The following C1QTNF2 variants were observed in gnomAD, a reference collection of about 807,000 sequenced individuals.
The protein encoded by C1QTNF2 is C1q and TNF related 2, also known as complement C1q tumor necrosis factor-related protein 2.
A neutral mutation model predicts 17.4 loss-of-function variants in C1QTNF2; 15 were observed. That is an observed-to-expected ratio of 0.86 (90% CI 0.58 to 1.33). The LOEUF (loss-of-function observed/expected upper bound fraction) is 1.33. C1QTNF2 is among the 40% of genes most tolerant of loss of function. The pLI, the probability that C1QTNF2 is intolerant of heterozygous loss-of-function variation, is 0.00. For synonymous variants in C1QTNF2, 154 were observed against 163.3 expected, an observed-to-expected ratio of 0.94 and a Z score of 0.44; for missense variants, 381 against 392.3, an observed-to-expected ratio of 0.97 and a Z score of 0.24.
chr5:160,349,712 G>T lies in C1QTNF2; in HGVS notation c.314C>A (p.Ala105Asp). 6.3e-7 allele frequency: 1 copy of T among 1,579,628 alleles called. No individual in the cohort carries two copies. ...GACCCCCTTGGGGCCACGGGGGCCAGCCCGCCCAATGGCCCCGGCTTTGCC... is the reference window on the plus strand; with the variant it reads ...GACCCCCTTGGGGCCACGGGGGCCATCCCGCCCAATGGCCCCGGCTTTGCC... ...PKGKAGAIGRAGPRGPKGVNG... is the reference protein window; with the variant it reads ...PKGKAGAIGRDGPRGPKGVNG... The change falls in exon 3 of 3, where the codon GCT becomes GAT. Residue 105 changes from alanine to aspartate, a missense_variant. Physicochemically the swap from Ala to Asp is moderately radical, Grantham distance 126. Coordinates refer to ENST00000652664, the MANE Select transcript of C1QTNF2 (RefSeq NM_031908.6). This position sits in a 1 kb window ranked among gnomAD's most constrained non-coding sequence, Gnocchi z 4.3.
In C1QTNF2 at chr5:160,354,997, C is replaced by A; in HGVS notation, c.15G>T (p.Val5=). 1 of 1,577,006 alleles carries A rather than the reference C, an allele frequency of 6.3e-7. No homozygotes were observed. Among genetic ancestry groups the A allele is most frequent in the Non-Finnish European group, 8.6e-7 (1 of 1,163,120 alleles). The change falls in exon 2 of 3, where the codon GTG becomes GTT. Residue 5 remains valine (V), a synonymous_variant. Coordinates refer to ENST00000652664, the MANE Select transcript of C1QTNF2 (RefSeq NM_031908.6). ...CACAGGGGAGGGCACAGGCCAGGAG[C>A]ACCCAGGGGATCATGGTGGTTACCT... MIPW[V]LLACALPCAA... is the part of the protein sequence containing the mutation.
At chr5:160,367,125 C>T (rs1204102424) in intron 1 of C1QTNF2, among the ~76,000 whole-genome samples, 1 of 152,100 alleles carries the variant, frequency 6.6e-6, no homozygotes. Context: ...AAATTATAGC[C>T]TAGACAAGCA....
intron 2 of C1QTNF2, among the ~76,000 whole-genome samples, chr5:160,353,396 C>T (rs552574700): frequency 6.6e-6 from 1 of 152,132 alleles, no homozygotes; most frequent in Non-Finnish European, 1.5e-5. Context: ...TCGCCGTCTG[C>T]CTGGCATCCC....
chr5:160,367,807 T>C (rs1031562202), intron 1 of C1QTNF2, among the ~76,000 whole-genome samples: 3 of 152,170 alleles, frequency 2.0e-5, no homozygotes, highest in Non-Finnish European at 4.4e-5. Flanking sequence ...CCTATATACA[T>C]TGTGCACAGT....
At chr5:160,356,414 GGGCCTT>G (rs1764052203) in intron 1 of C1QTNF2, among the ~76,000 whole-genome samples, 1 of 152,212 alleles carries the variant, frequency 6.6e-6, no homozygotes, top group Non-Finnish European at 1.5e-5. Flanking sequence ...ACAGGTTGTT[GGGCCTT>G]ATCCCCAAAG....
At chr5:160,366,688 A>C (rs968458800) in intron 1 of C1QTNF2, among the ~76,000 whole-genome samples, 2 of 152,226 alleles carry the variant, frequency 1.3e-5, no homozygotes, top group Non-Finnish European at 2.9e-5. Context: ...GTAAAATTCA[A>C]ATTTAGTCAT....
At chr5:160,370,002 A>T (rs1385116953) in intron 1 of C1QTNF2, among the ~76,000 whole-genome samples, 1 of 152,216 alleles carries the variant, frequency 6.6e-6, no homozygotes, top group East Asian at 1.9e-4. Flanking sequence ...GTGAAGGTTA[A>T]GTGAAATAAT....
intron 1 of C1QTNF2, among the ~76,000 whole-genome samples, chr5:160,367,915 A>G (rs757814179): frequency 9.2e-5 from 14 of 152,202 alleles, no homozygotes; most frequent in Non-Finnish European, 1.9e-4. Flanking sequence ...TTTGATGTTC[A>G]TATCTCCTTT....
intron 2 of C1QTNF2, among the ~76,000 whole-genome samples, chr5:160,350,836 C>T (rs534031346): frequency 2.0e-5 from 3 of 152,024 alleles, no homozygotes; most frequent in Admixed American, 1.3e-4. Context: ...CTGCAAGCTC[C>T]GCCTCCCAGG....
In C1QTNF2 at chr5:160,351,546, A is replaced by G. The variant is rs1561821558; in HGVS notation, c.245-1765T>C. Among the ~76,000 whole-genome samples, 3 of 152,232 alleles carry G rather than the reference A, an allele frequency of 2.0e-5. No homozygotes were observed. In the South Asian group the frequency reaches 6.2e-4, roughly 31 times the overall value. On this transcript the variant is annotated intron_variant, in intron 2 of 2. Transcript: ENST00000652664. ...TCCAAATTGCATTTTGTTACTGAACACTTGATTTTCAGGAACAGAGTGCTT... is the reference window on the plus strand; with the variant it reads ...TCCAAATTGCATTTTGTTACTGAACGCTTGATTTTCAGGAACAGAGTGCTT...
At chr5:160,357,396 T>C (rs1317444903) in intron 1 of C1QTNF2, among the ~76,000 whole-genome samples, 1 of 152,076 alleles carries the variant, frequency 6.6e-6, no homozygotes, top group Non-Finnish European at 1.5e-5. Context: ...TCAACCTAGG[T>C]TGGATAAATA....
intron 2 of C1QTNF2, among the ~76,000 whole-genome samples, chr5:160,353,484 C>A (rs1393135357): frequency 1.3e-5 from 2 of 152,072 alleles, no homozygotes; most frequent in African/African-American, 4.8e-5. Flanking sequence ...ACTGACTGCC[C>A]CCACCACCCA....
chr5:160,364,531 C>T (rs927436157), intron 1 of C1QTNF2, among the ~76,000 whole-genome samples: 17 of 152,170 alleles, frequency 1.1e-4, no homozygotes, highest in African/African-American at 2.2e-4. Flanking sequence ...TGTAATGATA[C>T]GAGTTTTAAG....
chr5:160,370,049 G>A (rs1487489768), intron 1 of C1QTNF2, among the ~76,000 whole-genome samples: 1 of 152,160 alleles, frequency 6.6e-6, no homozygotes, highest in Non-Finnish European at 1.5e-5. Flanking sequence ...GTTAGCTCGG[G>A]TATTGGACTC....
intron 1 of C1QTNF2, among the ~76,000 whole-genome samples, chr5:160,356,997 C>T (rs772163309): frequency 6.6e-6 from 1 of 152,132 alleles, no homozygotes; most frequent in Non-Finnish European, 1.5e-5. Flanking sequence ...ATCACAGGGC[C>T]CAAAATGGTT....
At chr5:160,350,425 C>T (rs1022315187) in intron 2 of C1QTNF2, among the ~76,000 whole-genome samples, 13 of 152,126 alleles carry the variant, frequency 8.5e-5, no homozygotes, top group Admixed American at 5.2e-4. Context: ...GAAGGCAGGC[C>T]GGGCAAGGTG....
intron 1 of C1QTNF2, among the ~76,000 whole-genome samples, chr5:160,366,292 G>A (rs1477076762): frequency 6.6e-6 from 1 of 152,178 alleles, no homozygotes; most frequent in Non-Finnish European, 1.5e-5. Context: ...TGAGTAATTT[G>A]ACTGCTCACA....
At chr5:160,369,645 G>A (rs777033695) in intron 1 of C1QTNF2, among the ~76,000 whole-genome samples, 4 of 152,138 alleles carry the variant, frequency 2.6e-5, no homozygotes, top group Non-Finnish European at 5.9e-5. Flanking sequence ...CTGAGAGATG[G>A]CCAGTCTAAG....
At chr5:160,366,351 C>T (rs1764247924) in intron 1 of C1QTNF2, among the ~76,000 whole-genome samples, 2 of 152,176 alleles carry the variant, frequency 1.3e-5, no homozygotes, top group South Asian at 2.1e-4. Context: ...ATGCAGCAAC[C>T]AGCCCACAGT....
Sources: gnomAD v4.1 joint callset for allele counts (sites outside exome capture counted in the v4.1 genomes callset) on GRCh38, gnomAD v4.1.1 for gene constraint, Gnocchi (gnomAD v3.1) non-coding constraint, MANE v1.5 for transcripts, NCBI Gene and HGNC (gene_info 2026-07-23, HGNC 2026-07-21) for gene names.